Variants in ROBO3 observed in about 807,000 individuals in gnomAD.
ROBO3 encodes roundabout guidance receptor 3.
A neutral mutation model predicts 160.5 loss-of-function variants in ROBO3; 97 were observed. The observed-to-expected ratio is 0.60, with a 90% CI of 0.51 to 0.72. ROBO3 has a LOEUF of 0.72. Among genes scored for constraint, ROBO3 ranks in the 30% least tolerant of loss-of-function variants. The pLI is 0.00. For synonymous variants in ROBO3, 780 were observed against 746.2 expected, an observed-to-expected ratio of 1.05 and a Z score of -0.74; for missense variants, 1,858 against 1,846.5, an observed-to-expected ratio of 1.01 and a Z score of -0.11.
intron 1 of ROBO3, among the ~76,000 whole-genome samples, chr11:124,866,015 G>A (rs78806254): frequency 0.013 from 1,924 of 152,286 alleles, 14 homozygotes; most frequent in South Asian, 0.024. Context: ...GAGAAGAACC[G>A]TTGCTGGTAA....
Position 124,876,144 on chromosome 11 carries a change from A to G in ROBO3, c.2593+19A>G, listed in dbSNP as rs762710164. 2.5e-6 allele frequency: 4 copies of G among 1,583,186 alleles called. No homozygotes were observed. The highest frequency in any genetic ancestry group is 2.2e-4 in the Middle Eastern group (1 of 4,542). On this transcript the variant is annotated intron_variant, in intron 16 of 27. Coordinates refer to ENST00000397801, the MANE Select transcript of ROBO3 (RefSeq NM_022370.4). The surrounding 1 kb of genome is among the most constrained non-coding windows in gnomAD (Gnocchi z 5.3). ...CAGCTGCGTGAGTCCACCCGAGGGC[A>G]GTGCTGAGGATCTTGACGGGGGCGG... is the stretch of plus-strand genomic sequence containing the variant.
rs1565314107 is a variant in ROBO3, at chr11:124,876,528, GCTTAGC to G, written c.2779+70_2779+75del. ...AGGCGGCCCATGGGGAGGGGCAGGG[GCTTAGC>G]CGCTGGCGAGTGAGGACCGGGTCGG... On this transcript the variant is annotated intron_variant, in intron 17 of 27. Coordinates refer to ENST00000397801, the MANE Select transcript of ROBO3 (RefSeq NM_022370.4). The surrounding 1 kb of genome is among the most constrained non-coding windows in gnomAD (Gnocchi z 5.3). 1 of 1,279,782 alleles carries G rather than the reference GCTTAGC, an allele frequency of 7.8e-7. No homozygotes were observed. The highest frequency in any genetic ancestry group is 1.6e-5 in the African/African-American group (1 of 63,732). 79.3% of individuals were successfully genotyped at this position (1,279,782 alleles called of 1,614,324 possible). A position where few individuals can be genotyped will look rare whatever the true frequency, so the allele number is the denominator to read the frequency against.
chr11:124,870,269 T>C lies in ROBO3; in HGVS notation c.871T>C (p.Trp291Arg), dbSNP rs1241403566. 9.3e-6 allele frequency: 15 copies of C among 1,614,020 alleles called. No individual in the cohort carries two copies. Among genetic ancestry groups the C allele is most frequent in the Non-Finnish European group, 1.3e-5 (15 of 1,179,874 alleles). ...GGGGGATCCCCCACCTCGTCTACGC[T>C]GGCGCAAGGAGGATGGGGAACTGCC... ...VKGDPPPRLR[W>R]RKEDGELPTG... Residue 291 changes from tryptophan to arginine, a missense_variant, in exon 5 of 28, where the codon TGG (tryptophan) becomes CGG (arginine). Coordinates refer to ENST00000397801, the MANE Select transcript of ROBO3 (RefSeq NM_022370.4).
intron 12 of ROBO3, 138 bp downstream of exon 12, chr11:124,874,374 A>T: frequency 1.3e-6 from 1 of 768,028 alleles, no homozygotes; most frequent in Non-Finnish European, 2.0e-6. Flanking sequence ...CCCGGCCTGG[A>T]ATAGGAGATC....
At chr11:124,877,231 C>T (rs377054606) in intron 18 of ROBO3, 36 bp from the exon 19 acceptor site, 43 of 1,613,846 alleles carry the variant, frequency 2.7e-5, no homozygotes, top group Non-Finnish European at 3.2e-5. Context: ...CGGGACGGGC[C>T]CTTCTCTCAC....
In ROBO3 at chr11:124,873,154, G is replaced by A. The variant is rs1946302184; in HGVS notation, c.1536+65G>A. On this transcript the variant is annotated intron_variant, in intron 9 of 27. Transcript: ENST00000397801. This position sits in a 1 kb window ranked among gnomAD's most constrained non-coding sequence, Gnocchi z 4.5. ...TATCTGCTCCACGTTCCTTACACAA[G>A]TAAGTACTCACTGGGCCTGTAGCCC... 7 of 1,531,824 alleles carry A rather than the reference G, an allele frequency of 4.6e-6. No homozygotes were observed. Among genetic ancestry groups the A allele is most frequent in the Non-Finnish European group, 5.4e-6 (6 of 1,116,216 alleles). 94.9% of individuals were successfully genotyped at this position (1,531,824 alleles called of 1,614,324 possible).
In ROBO3 at chr11:124,865,825, C is replaced by A; in HGVS notation, c.160+88C>A. The A allele has an allele frequency of 7.1e-7, 1 of 1,407,724 alleles. No individual in the cohort carries two copies. Among genetic ancestry groups the A allele is most frequent in the South Asian group, 1.4e-5 (1 of 72,250 alleles). The allele number at this position is 1,407,724 out of a possible 1,614,324, so 87.2% of individuals were successfully genotyped here. ...GGAAGGGAAGGAGAAGCGCTCCTGT[C>A]CCGAGGTCCGGGATTGAGTGGCGCC... On this transcript the variant is annotated intron_variant, in intron 1 of 27. Transcript: ENST00000397801. The surrounding 1 kb of genome is among the most constrained non-coding windows in gnomAD (Gnocchi z 5.5).
At chr11:124,867,095 C>T (rs1946208031) in intron 1 of ROBO3, among the ~76,000 whole-genome samples, 1 of 152,078 alleles carries the variant, frequency 6.6e-6, no homozygotes, top group African/African-American at 2.4e-5. Context: ...CCCTAATCGT[C>T]ACAAAAGCAG....
In ROBO3 at chr11:124,873,012, G is replaced by C. The variant is rs2135329712; in HGVS notation, c.1459G>C (p.Asp487His). The change falls in exon 9 of 28, where the codon GAT (aspartate) becomes CAT (histidine). Residue 487 changes from aspartate to histidine, a missense_variant. Asp to His is a moderately conservative substitution (Grantham distance 81). Coordinates refer to ENST00000397801, the MANE Select transcript of ROBO3 (RefSeq NM_022370.4). The surrounding 1 kb of genome is among the most constrained non-coding windows in gnomAD (Gnocchi z 4.5). ...NPQPSVRWKK[D>H]GQWLQGDDLQ... ...TCAACCCAGTGTCCGATGGAAGAAG[G>C]ATGGGCAGTGGCTGCAGGGGGATGA... 1 of 1,613,930 alleles carries C rather than the reference G, an allele frequency of 6.2e-7. No individual in the cohort carries two copies.
At position 124,880,551 on chromosome 11, in the gene ROBO3, C is replaced by CCGGAGT. The variant is rs56085444; in HGVS notation, c.4100_4105dup (p.Arg1367_Ser1368dup). On this transcript the variant is annotated inframe_insertion, in exon 27 of 28. Coordinates refer to ENST00000397801, the MANE Select transcript of ROBO3 (RefSeq NM_022370.4). ...GGGGCTCCCGGGGCCCTGGCCGGAGCCGGAGTCGGAGTCAGAGCCGGAGCC... is the reference window on the plus strand; with the variant it reads ...GGGGCTCCCGGGGCCCTGGCCGGAGCCGGAGTCGGAGTCGGAGTCAGAGCCGGAGCC... 4.5e-6 allele frequency: 7 copies of CCGGAGT among 1,556,110 alleles called. No individual in the cohort carries two copies. Among genetic ancestry groups the CCGGAGT allele is most frequent in the East Asian group, 2.4e-5 (1 of 41,336 alleles).
At position 124,865,857 on chromosome 11, in the gene ROBO3, C is replaced by A. The variant is rs868125136; in HGVS notation, c.160+120C>A. The A allele has an allele frequency of 3.4e-6, 4 of 1,172,060 alleles. No individual in the cohort carries two copies. The highest frequency in any genetic ancestry group is 4.7e-6 in the Non-Finnish European group (4 of 851,636). 72.6% of individuals were successfully genotyped at this position (1,172,060 alleles called of 1,614,324 possible). A position where few individuals can be genotyped will look rare whatever the true frequency, so the allele number is the denominator to read the frequency against. On this transcript the variant is annotated intron_variant, in intron 1 of 27. Transcript: ENST00000397801. This position sits in a 1 kb window ranked among gnomAD's most constrained non-coding sequence, Gnocchi z 5.5. ...TCCGGGATTGAGTGGCGCCTCCCAG[C>A]GCCTCCCTGGGTCGTGGGGTCTAAG...
chr11:124,874,175 AG>A lies in ROBO3; in HGVS notation c.1891del (p.Ala631GlnfsTer49). ...PNTIYLFLVR[A>X]VGAWGLSEPS... Reference sequence around the variant, plus strand: ...ATACCATCTACCTGTTTCTGGTTCGAGCAGTGGGAGCCTGGGGCCTCAGTGA... The same window carrying A: ...ATACCATCTACCTGTTTCTGGTTCGACAGTGGGAGCCTGGGGCCTCAGTGA... On this transcript the variant is annotated frameshift_variant, in exon 12 of 28. Transcript: ENST00000397801. LOFTEE classifies it high-confidence loss of function. 1 of 1,613,954 alleles carries A rather than the reference AG, an allele frequency of 6.2e-7. No individual in the cohort carries two copies. Among genetic ancestry groups the A allele is most frequent in the Non-Finnish European group, 8.5e-7 (1 of 1,179,876 alleles).
In ROBO3 at chr11:124,865,761, A is replaced by T. The variant is rs374799875; in HGVS notation, c.160+24A>T. The T allele has an allele frequency of 6.3e-7, 1 of 1,588,280 alleles. No individual in the cohort carries two copies. The highest frequency in any genetic ancestry group is 8.6e-7 in the Non-Finnish European group (1 of 1,167,898). ...CGGTGAGACCCTGCCTCTTGGGGATATGGGATCCTGGGATGGGGATGAGGT... is the reference window on the plus strand; with the variant it reads ...CGGTGAGACCCTGCCTCTTGGGGATTTGGGATCCTGGGATGGGGATGAGGT... On this transcript the variant is annotated intron_variant, in intron 1 of 27. Transcript: ENST00000397801. This position sits in a 1 kb window ranked among gnomAD's most constrained non-coding sequence, Gnocchi z 5.5.
chr11:124,879,315 C>T lies in ROBO3; in HGVS notation c.3659C>T (p.Ala1220Val), dbSNP rs1420154245. 1 of 1,608,820 alleles carries T rather than the reference C, an allele frequency of 6.2e-7. No homozygotes were observed. The highest frequency in any genetic ancestry group is 1.1e-5 in the South Asian group (1 of 89,838). Residue 1220 changes from alanine to valine, a missense_variant, in exon 24 of 28, where the codon GCC (alanine) becomes GTC (valine). Physicochemically the swap from Ala to Val is moderately conservative, Grantham distance 64 (BLOSUM62 0). Transcript: ENST00000397801. ...TCACCCCACCTCAGCCCCAGTCCTG[C>T]CCCTAGCACAGCCAGCAGTGCCCCA... The part of the protein sequence containing the change: ...AASPHLSPSP[A>V]PSTASSAPGR...
chr11:124,872,836 G>C lies in ROBO3; in HGVS notation c.1331-48G>C. Reference sequence around the variant, plus strand: ...AGAATGAGGACAAGGGGCTGCCCGCGGGGCCCTAAGCTCCTCCCCTGAGGT... The same window carrying C: ...AGAATGAGGACAAGGGGCTGCCCGCCGGGCCCTAAGCTCCTCCCCTGAGGT... On this transcript the variant is annotated intron_variant, in intron 8 of 27. Transcript: ENST00000397801. The surrounding 1 kb of genome is among the most constrained non-coding windows in gnomAD (Gnocchi z 4.3). 1 of 1,450,228 alleles carries C rather than the reference G, an allele frequency of 6.9e-7. No homozygotes were observed. The allele number at this position is 1,450,228 out of a possible 1,614,324, so 89.8% of individuals were successfully genotyped here.
In ROBO3 at chr11:124,879,949, G is replaced by T. The variant is rs1385600099; in HGVS notation, c.3958+1G>T. The T allele has an allele frequency of 1.9e-6, 3 of 1,570,842 alleles. No individual in the cohort carries two copies. In the Admixed American group the frequency reaches 5.6e-5, roughly 29 times the overall value. ...GCCCAGCGGGTGCTCCACCCAGATGGTAAGCAGGGCCAGGGCAGGCAGGAG... is the reference window on the plus strand; with the variant it reads ...GCCCAGCGGGTGCTCCACCCAGATGTTAAGCAGGGCCAGGGCAGGCAGGAG... On this transcript the variant is annotated splice_donor_variant, in intron 26 of 27. Coordinates refer to ENST00000397801, the MANE Select transcript of ROBO3 (RefSeq NM_022370.4). LOFTEE classifies it high-confidence loss of function.
chr11:124,881,182 G>A, intron 27 of ROBO3, 57 bp from the exon 28 acceptor site: 1 of 1,567,198 alleles, frequency 6.4e-7, no homozygotes, highest in South Asian at 1.2e-5. Context: ...GCCCTTCCTG[G>A]ACTTGTTTGC....
chr11:124,873,167 G>A lies in ROBO3; in HGVS notation c.1536+78G>A. The A allele has an allele frequency of 6.7e-7, 1 of 1,483,700 alleles. No homozygotes were observed. Among genetic ancestry groups the A allele is most frequent in the Non-Finnish European group, 9.3e-7 (1 of 1,076,482 alleles). 91.9% of individuals were successfully genotyped at this position (1,483,700 alleles called of 1,614,324 possible). A position where few individuals can be genotyped will look rare whatever the true frequency, so the allele number is the denominator to read the frequency against. On this transcript the variant is annotated intron_variant, in intron 9 of 27. Transcript: ENST00000397801. This position sits in a 1 kb window ranked among gnomAD's most constrained non-coding sequence, Gnocchi z 4.5. ...TTCCTTACACAAGTAAGTACTCACT[G>A]GGCCTGTAGCCCCATCTTTACCCCT... is the stretch of plus-strand genomic sequence containing the variant.
Position 124,865,825 on chromosome 11 carries a change from C to T in ROBO3, c.160+88C>T. On this transcript the variant is annotated intron_variant, in intron 1 of 27. Coordinates refer to ENST00000397801, the MANE Select transcript of ROBO3 (RefSeq NM_022370.4). This position sits in a 1 kb window ranked among gnomAD's most constrained non-coding sequence, Gnocchi z 5.5. ...GGAAGGGAAGGAGAAGCGCTCCTGT[C>T]CCGAGGTCCGGGATTGAGTGGCGCC... The T allele has an allele frequency of 7.1e-7, 1 of 1,407,724 alleles. No homozygotes were observed. Among genetic ancestry groups the T allele is most frequent in the South Asian group, 1.4e-5 (1 of 72,250 alleles). The allele number at this position is 1,407,724 out of a possible 1,614,324, so 87.2% of individuals were successfully genotyped here. A position where few individuals can be genotyped will look rare whatever the true frequency, so the allele number is the denominator to read the frequency against.
Sources: gnomAD v4.1 joint callset for allele counts (sites outside exome capture counted in the v4.1 genomes callset) on GRCh38, gnomAD v4.1.1 for gene constraint, Gnocchi (gnomAD v3.1) non-coding constraint, MANE v1.5 for transcripts, NCBI Gene and HGNC (gene_info 2026-07-23, HGNC 2026-07-21) for gene names.